The following KCNN2 variants were observed in gnomAD, a reference collection of about 807,000 sequenced individuals.
KCNN2 encodes the protein potassium calcium-activated channel subfamily N member 2.
KCNN2 carries 24 observed loss-of-function variants against 55.5 expected under a neutral mutation model. The ratio of observed to expected loss-of-function variants is 0.43; its 90% CI spans 0.31 to 0.61. KCNN2 has a LOEUF of 0.61. Among genes scored for constraint, KCNN2 ranks in the 20% least tolerant of loss-of-function variants. The probability of loss-of-function intolerance (pLI) is 0.08; values close to 1 mark genes in which losing one functional copy is unlikely to be tolerated. For synonymous variants in KCNN2, 431 were observed against 336.1 expected, an observed-to-expected ratio of 1.28 and a Z score of -3.09; for missense variants, 754 against 853.6, an observed-to-expected ratio of 0.88 and a Z score of 1.45.
At chr5:114,162,803 G>C (rs138936777) in intron 1 of KCNN2, among the ~76,000 whole-genome samples, 9 of 152,302 alleles carry the variant, frequency 5.9e-5, no homozygotes, top group Middle Eastern at 3.4e-3. Context: ...CTCCGAGCCA[G>C]GTGTGGGATA....
chr5:114,481,537 A>C (rs1389753175), intron 5 of KCNN2, among the ~76,000 whole-genome samples: 2 of 152,250 alleles, frequency 1.3e-5, no homozygotes, highest in African/African-American at 4.8e-5. Flanking sequence ...AATTAGAAAA[A>C]AAACTATTTT....
intron 1 of KCNN2, among the ~76,000 whole-genome samples, chr5:114,111,229 A>G (rs1178031442): frequency 6.6e-6 from 1 of 152,228 alleles, no homozygotes; most frequent in Non-Finnish European, 1.5e-5. Flanking sequence ...AGCAATGGGG[A>G]AAGGATTCCC....
chr5:114,105,021 A>G (rs1384920026), intron 1 of KCNN2, among the ~76,000 whole-genome samples: 1 of 152,074 alleles, frequency 6.6e-6, no homozygotes, highest in Non-Finnish European at 1.5e-5. Flanking sequence ...CTGATTCATT[A>G]ATGAACGTGT....
At chr5:114,369,431 A>T (rs773408557) in intron 2 of KCNN2, among the ~76,000 whole-genome samples, 2 of 152,168 alleles carry the variant, frequency 1.3e-5, no homozygotes, top group Non-Finnish European at 2.9e-5. Context: ...AAGATGAAGG[A>T]AGCTAAAAAA....
chr5:114,361,210 G>C (rs528352616), upstream of KCNN2: 1 of 152,266 alleles, frequency 6.6e-6, no homozygotes, highest in African/African-American at 2.4e-5. Flanking sequence ...CGGGAAGCCC[G>C]GCCGGCTCTG....
chr5:114,276,420 A>G (rs1407068306), intron 2 of KCNN2, among the ~76,000 whole-genome samples: 2 of 152,116 alleles, frequency 1.3e-5, no homozygotes, highest in African/African-American at 4.8e-5. Flanking sequence ...TCTAATATTG[A>G]CAGTGGGGTG....
At chr5:114,221,085 G>T (rs555668237) in intron 1 of KCNN2, among the ~76,000 whole-genome samples, 6 of 152,148 alleles carry the variant, frequency 3.9e-5, no homozygotes, top group Non-Finnish European at 1.5e-5. Context: ...TATATGACAC[G>T]TTTATGTGAG....
chr5:114,298,303 C>T (rs1004272325), intron 2 of KCNN2, among the ~76,000 whole-genome samples: 2 of 152,222 alleles, frequency 1.3e-5, no homozygotes, highest in Admixed American at 6.5e-5. Flanking sequence ...AGTGCCTTCT[C>T]CCTCCACAGG....
chr5:114,459,891 G>GTAT (rs1761114621), intron 3 of KCNN2, among the ~76,000 whole-genome samples: 1 of 152,176 alleles, frequency 6.6e-6, no homozygotes, highest in South Asian at 2.1e-4. Context: ...TTTCCTGAGA[G>GTAT]TATTTGGCAA....
At chr5:114,272,367 A>G (rs1423224265) in intron 2 of KCNN2, among the ~76,000 whole-genome samples, 1 of 125,608 alleles carries the variant, frequency 8.0e-6, no homozygotes, top group Non-Finnish European at 1.7e-5. Flanking sequence ...CCATATACAC[A>G]CACATATGTA....
At chr5:114,224,378 G>A (rs2112596172) in intron 2 of KCNN2, among the ~76,000 whole-genome samples, 1 of 152,190 alleles carries the variant, frequency 6.6e-6, no homozygotes, top group South Asian at 2.1e-4. Context: ...CTGAATTAAT[G>A]GAGTGTGAAA....
In KCNN2 at chr5:114,101,717, G is replaced by A. The variant is rs111942212; in HGVS notation, c.-271+45217G>A. Among the ~76,000 whole-genome samples, 340 of 152,106 alleles carry A rather than the reference G, an allele frequency of 2.2e-3. 2 individuals are homozygous for A. Among genetic ancestry groups the A allele is most frequent in the African/African-American group, 7.4e-3 (309 of 41,496 alleles). On this transcript the variant is annotated intron_variant, in intron 1 of 10. Coordinates refer to the KCNN2 transcript ENST00000512097. The stretch of plus-strand genomic sequence containing the variant: ...TTCTGTTTCTGTGTTAGTTTGCTGA[G>A]AATGATGGTTTCCAGCTTCATCTAT...
chr5:114,463,038 C>T lies in KCNN2; in HGVS notation c.1638-11C>T. ...AATTATAAAGGACTGGTTTTGTTTG[C>T]TGTTTTTCAGGTACCATGATCAACA... On this transcript the variant is annotated splice_polypyrimidine_tract_variant and intron_variant, in intron 3 of 7. Transcript: ENST00000673685. 1 of 1,610,004 alleles carries T rather than the reference C, an allele frequency of 6.2e-7. No individual in the cohort carries two copies. The highest frequency in any genetic ancestry group is 8.5e-7 in the Non-Finnish European group (1 of 1,178,278).
At chr5:114,244,619 G>T (rs529513787) in intron 2 of KCNN2, among the ~76,000 whole-genome samples, 1 of 151,586 alleles carries the variant, frequency 6.6e-6, no homozygotes, top group Non-Finnish European at 1.5e-5. Context: ...GTTATTGGGG[G>T]GAGTGTGGAG....
At chr5:114,219,071 G>A (rs904253413) in intron 1 of KCNN2, among the ~76,000 whole-genome samples, 8 of 152,238 alleles carry the variant, frequency 5.3e-5, no homozygotes, top group Admixed American at 2.0e-4. Flanking sequence ...AGGTAAGCGA[G>A]TATGGGATTC....
intron 1 of KCNN2, among the ~76,000 whole-genome samples, chr5:114,074,203 G>T (rs980969788): frequency 1.3e-5 from 2 of 152,136 alleles, no homozygotes; most frequent in African/African-American, 4.8e-5. Flanking sequence ...GATCTATCTT[G>T]AGAGTAGGTA....
chr5:114,477,132 A>AC (rs1458095586), intron 5 of KCNN2, among the ~76,000 whole-genome samples: 1 of 109,622 alleles, frequency 9.1e-6, no homozygotes, highest in Non-Finnish European at 2.2e-5. Flanking sequence ...ATTCCCTGAA[A>AC]CATTATCTAG....
intron 2 of KCNN2, among the ~76,000 whole-genome samples, chr5:114,331,113 TG>T (rs1756814020): frequency 6.6e-6 from 1 of 152,144 alleles, no homozygotes. Context: ...TTGCGATGGT[TG>T]AGGGAAGAGT....
intron 2 of KCNN2, among the ~76,000 whole-genome samples, chr5:114,272,384 T>C (rs1755364446): frequency 4.4e-5 from 1 of 22,848 alleles, no homozygotes; most frequent in African/African-American, 7.9e-5. Context: ...TGTATGTACA[T>C]ATATACACAC....
Sources: allele counts gnomAD v4.1 joint callset (sites outside exome capture counted in the v4.1 genomes callset), GRCh38; gene constraint gnomAD v4.1.1; transcripts MANE v1.5; gene names NCBI Gene and HGNC (gene_info 2026-07-23, HGNC 2026-07-21).